MAP4K3: variants seen among roughly 807,000 people sequenced by gnomAD.
MAP4K3 encodes the protein mitogen-activated protein kinase kinase kinase kinase 3.
In MAP4K3, 94 loss-of-function variants were observed where a neutral mutation model predicts 143.5. The observed-to-expected ratio is 0.65, with a 90% confidence interval of 0.55 to 0.78. The LOEUF (loss-of-function observed/expected upper bound fraction) is 0.78, where lower values mean the gene tolerates loss of function less well. Among genes scored for constraint, MAP4K3 ranks in the 30% least tolerant of loss-of-function variants. MAP4K3 has a pLI of 0.00. For synonymous variants in MAP4K3, 416 were observed against 347.2 expected (o/e 1.20, Z -2.20); for missense variants, 1,077 against 1,068.1 (o/e 1.01, Z -0.12).
intron 12 of MAP4K3, chr2:39,323,236 T>G (rs1350268482): frequency 2.6e-5 from 4 of 152,218 alleles, no homozygotes; most frequent in Admixed American, 2.6e-4. Context: ...TAACAATTTA[T>G]AATTATAATA....
At position 39,320,675 on chromosome 2, in the gene MAP4K3, C is replaced by T. The variant is rs529277543; in HGVS notation, c.918+4843G>A. Among the ~76,000 whole-genome samples the T allele has an allele frequency of 2.6e-5, 4 of 152,252 alleles. No homozygotes were observed. In the South Asian group the frequency reaches 8.3e-4, roughly 32 times the overall value. ...ATTTAATGTTAATTCATGAACATTA[C>T]TATAACCTTTGGAAGTAAAAGAGGT... On this transcript the variant is annotated intron_variant, in intron 12 of 33. Transcript: ENST00000263881.
At chr2:39,301,230 GTTC>G (rs1682499509) in intron 15 of MAP4K3, among the ~76,000 whole-genome samples, 1 of 152,144 alleles carries the variant, frequency 6.6e-6, no homozygotes, top group Non-Finnish European at 1.5e-5. Context: ...ATAATAAAGT[GTTC>G]TTATCAGTGT....
chr2:39,289,416 CATATT>C (rs986658102), intron 19 of MAP4K3, among the ~76,000 whole-genome samples: 6 of 152,038 alleles, frequency 3.9e-5, no homozygotes, highest in East Asian at 1.9e-4. Context: ...TAAAGCAACT[CATATT>C]ATAATTAAAA....
chr2:39,419,655 A>G (rs1359008104), intron 1 of MAP4K3, among the ~76,000 whole-genome samples: 1 of 152,240 alleles, frequency 6.6e-6, no homozygotes, highest in East Asian at 1.9e-4. Context: ...AACATCTTCT[A>G]TGATTAGCAG....
intron 6 of MAP4K3, 51 bp downstream of exon 6, chr2:39,336,869 G>C: frequency 2.6e-6 from 2 of 770,440 alleles, no homozygotes; most frequent in South Asian, 2.2e-5. Flanking sequence ...AATTTGATCA[G>C]AGTATTTAAA....
chr2:39,330,989 G>A (rs1683665343), intron 8 of MAP4K3, among the ~76,000 whole-genome samples: 1 of 152,136 alleles, frequency 6.6e-6, no homozygotes, highest in South Asian at 2.1e-4. Flanking sequence ...GATGGCAGAA[G>A]TTACAACTAA....
rs71752304 is a variant in MAP4K3 at position 39,322,592 on chromosome 2, A to ATGTGTGTGTGTG, written c.918+2914_918+2925dup. ...CTTAAACTAGACTTAGATGTGGTAT[A>ATGTGTGTGTGTG]TGTGTGTGTGTGTGTGTGTGTGTGT... is the stretch of plus-strand genomic sequence containing the variant. On this transcript the variant is annotated intron_variant, in intron 12 of 33. Coordinates refer to ENST00000263881, the MANE Select transcript of MAP4K3 (RefSeq NM_003618.4). Among the ~76,000 whole-genome samples the ATGTGTGTGTGTG allele has an allele frequency of 5.9e-3, 847 of 144,736 alleles. 8 individuals are homozygous for ATGTGTGTGTGTG. Among genetic ancestry groups the ATGTGTGTGTGTG allele is most frequent in the Non-Finnish European group, 8.4e-3 (560 of 66,306 alleles). 95.0% of individuals were successfully genotyped at this position (144,736 alleles called of 152,430 possible). A position where few individuals can be genotyped will look rare whatever the true frequency, so the allele number is the denominator to read the frequency against.
At chr2:39,292,896 A>C (rs1202566712) in intron 17 of MAP4K3, 70 bp from the exon 18 acceptor site, 17 of 1,288,416 alleles carry the variant, frequency 1.3e-5, no homozygotes, top group Non-Finnish European at 1.8e-5. Context: ...AATTTTAGAA[A>C]ATGCAGGAAA....
At chr2:39,289,684 A>C (rs987096022) in intron 19 of MAP4K3, among the ~76,000 whole-genome samples, 1 of 152,246 alleles carries the variant, frequency 6.6e-6, no homozygotes, top group Admixed American at 6.5e-5. Context: ...GATTTTGAGA[A>C]AAACAATCTT....
rs79423566 is a variant in MAP4K3 at position 39,296,856 on chromosome 2, T to G, written c.1178+2887A>C. On this transcript the variant is annotated intron_variant, in intron 16 of 33. Transcript: ENST00000263881. ...AGTCCTAAATGTGCTAAATGCTTTA[T>G]AGCAATTATTCCATTTCATCCTTAG... 1.8e-3 allele frequency among the ~76,000 whole-genome samples: 268 copies of G among 152,360 alleles called. 6 individuals are homozygous for G. In the East Asian group the frequency reaches 0.024, roughly 14 times the overall value.
chr2:39,382,635 T>C (rs927422203), intron 1 of MAP4K3, among the ~76,000 whole-genome samples: 2 of 152,214 alleles, frequency 1.3e-5, no homozygotes, highest in African/African-American at 4.8e-5. Context: ...TAGTTGGTTA[T>C]ATAAAAATCA....
At chr2:39,382,097 C>A (rs969617994) in intron 1 of MAP4K3, among the ~76,000 whole-genome samples, 4 of 152,132 alleles carry the variant, frequency 2.6e-5, no homozygotes, top group African/African-American at 9.7e-5. Context: ...ATTCAGTGAG[C>A]CTTTCAGAGG....
intron 1 of MAP4K3, among the ~76,000 whole-genome samples, chr2:39,425,081 G>A (rs1482557757): frequency 2.0e-5 from 3 of 152,042 alleles, no homozygotes; most frequent in Non-Finnish European, 2.9e-5. Flanking sequence ...TGTTTTGGAA[G>A]GACAGCCACA....
intron 2 of MAP4K3, among the ~76,000 whole-genome samples, chr2:39,359,666 T>C (rs1006879749): frequency 4.6e-5 from 7 of 152,238 alleles, no homozygotes; most frequent in Non-Finnish European, 1.0e-4. Flanking sequence ...TTTCCATATA[T>C]CCTTGGAAAT....
intron 13 of MAP4K3, among the ~76,000 whole-genome samples, chr2:39,309,730 T>C (rs774584424): frequency 6.6e-6 from 1 of 151,572 alleles, no homozygotes; most frequent in Non-Finnish European, 1.5e-5. Flanking sequence ...GCTGATTTTT[T>C]TGTATTTTTA....
intron 28 of MAP4K3, among the ~76,000 whole-genome samples, chr2:39,264,565 T>A (rs899681828): frequency 2.0e-5 from 3 of 152,204 alleles, no homozygotes; most frequent in Non-Finnish European, 4.4e-5. Context: ...GCACATGAAA[T>A]AAGACCACTC....
At chr2:39,289,610 T>C (rs1215059185) in intron 19 of MAP4K3, among the ~76,000 whole-genome samples, 1 of 152,232 alleles carries the variant, frequency 6.6e-6, no homozygotes, top group East Asian at 1.9e-4. Context: ...CTTTTGAAAA[T>C]TAAATATCTA....
chr2:39,385,198 C>T (rs1666462960), intron 1 of MAP4K3, among the ~76,000 whole-genome samples: 1 of 152,034 alleles, frequency 6.6e-6, no homozygotes, highest in African/African-American at 2.4e-5. Context: ...AGATAAATAC[C>T]CAGGAGTGTG....
intron 2 of MAP4K3, among the ~76,000 whole-genome samples, chr2:39,375,235 G>C (rs1268266441): frequency 1.3e-5 from 2 of 151,970 alleles, no homozygotes; most frequent in Non-Finnish European, 1.5e-5. Flanking sequence ...CTCCAGCCTG[G>C]GCTACAGTGA....
Sources: allele counts gnomAD v4.1 joint callset (sites outside exome capture counted in the v4.1 genomes callset), GRCh38; gene constraint gnomAD v4.1.1; transcripts MANE v1.5; gene names NCBI Gene and HGNC (gene_info 2026-07-23, HGNC 2026-07-21).